NKAIN1: variants seen among roughly 807,000 people sequenced by gnomAD.
NKAIN1 encodes sodium/potassium-transporting ATPase subunit beta-1-interacting protein 1.
A neutral mutation model predicts 31.6 loss-of-function variants in NKAIN1; 13 were observed. That is an observed-to-expected ratio of 0.41 (90% CI 0.27 to 0.65). The LOEUF is 0.65. Among genes scored for constraint, NKAIN1 ranks in the 30% least tolerant of loss-of-function variants. The pLI is 0.30. For missense variants in NKAIN1, 193 were observed against 262.2 expected (o/e 0.74, Z 1.82); for synonymous variants, 104 against 109.0 (o/e 0.95, Z 0.28).
intron 1 of NKAIN1, among the ~76,000 whole-genome samples, chr1:31,192,277 C>T (rs776739271): frequency 6.6e-6 from 1 of 152,176 alleles, no homozygotes; most frequent in Non-Finnish European, 1.5e-5. Flanking sequence ...TTATCTATAA[C>T]CAGCTAGACC....
intron 1 of NKAIN1, among the ~76,000 whole-genome samples, chr1:31,229,384 A>C (rs544046139): frequency 6.6e-6 from 1 of 152,028 alleles, no homozygotes; most frequent in South Asian, 2.1e-4. Flanking sequence ...CTACATGGGC[A>C]TCTGGGGTGG....
chr1:31,206,721 G>A (rs1645428178), intron 1 of NKAIN1, among the ~76,000 whole-genome samples: 1 of 151,688 alleles, frequency 6.6e-6, no homozygotes, highest in Non-Finnish European at 1.5e-5. Flanking sequence ...ATAGGTGTGA[G>A]CCACTGCACC....
At chr1:31,182,681 G>A in intron 4 of NKAIN1, 91 bp from the exon 5 acceptor site, 3 of 1,410,590 alleles carry the variant, frequency 2.1e-6, no homozygotes, top group East Asian at 2.3e-5. Flanking sequence ...TGACTGGCAA[G>A]GGAGGAGGCA....
At chr1:31,208,110 C>T (rs1010919654) in intron 1 of NKAIN1, among the ~76,000 whole-genome samples, 1 of 152,134 alleles carries the variant, frequency 6.6e-6, no homozygotes, top group African/African-American at 2.4e-5. Context: ...CTCATGCCAC[C>T]GATGATGGCT....
chr1:31,182,417 G>T (rs1355361772), intron 5 of NKAIN1, 113 bp downstream of exon 5: 2 of 1,170,684 alleles, frequency 1.7e-6, no homozygotes, highest in Admixed American at 1.9e-5. Flanking sequence ...CCCTCGAAAG[G>T]GGCCCGTGGC....
chr1:31,211,923 CAG>C (rs1334105386), intron 1 of NKAIN1, among the ~76,000 whole-genome samples: 6 of 151,922 alleles, frequency 3.9e-5, no homozygotes, highest in Non-Finnish European at 7.4e-5. Context: ...GCCTGGGAGA[CAG>C]AGTGAGACTC....
chr1:31,239,464 GC>G lies in NKAIN1; in HGVS notation c.54+29del. The G allele has an allele frequency of 6.9e-7, 1 of 1,438,998 alleles. No individual in the cohort carries two copies. The highest frequency in any genetic ancestry group is 9.1e-7 in the Non-Finnish European group (1 of 1,100,568). The allele number at this position is 1,438,998 out of a possible 1,614,324, so 89.1% of individuals were successfully genotyped here. ...ACCGCGCCCCGCCGCGCCCCACCCTGCCCCGACTGCCTGGGCACGCGACGCT... is the reference window on the plus strand; with the variant it reads ...ACCGCGCCCCGCCGCGCCCCACCCTGCCCGACTGCCTGGGCACGCGACGCT... On this transcript the variant is annotated intron_variant, in intron 1 of 6. Coordinates refer to ENST00000373736, the MANE Select transcript of NKAIN1 (RefSeq NM_024522.3). The surrounding 1 kb of genome is among the most constrained non-coding windows in gnomAD (Gnocchi z 4.8).
In NKAIN1 at chr1:31,239,364, A is replaced by T; in HGVS notation, c.54+130T>A. On this transcript the variant is annotated intron_variant, in intron 1 of 6. Coordinates refer to ENST00000373736, the MANE Select transcript of NKAIN1 (RefSeq NM_024522.3). This position sits in a 1 kb window ranked among gnomAD's most constrained non-coding sequence, Gnocchi z 4.8. Reference sequence around the variant, plus strand: ...CTCCGCCCGACCGCTCCGAGACTCCAGACCACCCCCCGCCCGGGCACACGC... The same window carrying T: ...CTCCGCCCGACCGCTCCGAGACTCCTGACCACCCCCCGCCCGGGCACACGC... The T allele has an allele frequency of 1.7e-6, 1 of 594,992 alleles. No individual in the cohort carries two copies. The highest frequency in any genetic ancestry group is 2.5e-6 in the Non-Finnish European group (1 of 399,384). 36.9% of individuals were successfully genotyped at this position (594,992 alleles called of 1,614,324 possible).
chr1:31,181,562 T>A lies in NKAIN1; in HGVS notation c.*141A>T, dbSNP rs1464372684. 1.4e-6 allele frequency: 1 copy of A among 705,156 alleles called. No homozygotes were observed. The highest frequency in any genetic ancestry group is 2.0e-6 in the Non-Finnish European group (1 of 489,192). The allele number at this position is 705,156 out of a possible 1,614,324, so 43.7% of individuals were successfully genotyped here. ...GTCCAAGTCCACGTCCAAGTCCGCA[T>A]CTCCAGATGCAGACGCGGGGTTGGG... On this transcript the variant is annotated 3_prime_UTR_variant, in exon 7 of 7. Coordinates refer to ENST00000373736, the MANE Select transcript of NKAIN1 (RefSeq NM_024522.3).
In NKAIN1 at chr1:31,233,109, C is replaced by T. The variant is rs749365726; in HGVS notation, c.54+6385G>A. On this transcript the variant is annotated intron_variant, in intron 1 of 6. Transcript: ENST00000373736. The surrounding 1 kb of genome is among the most constrained non-coding windows in gnomAD (Gnocchi z 4.0). ...AATTACAGGTGCCCACCACCACGCTCGGCTAATTTTTTGTATTTTTAGTAG... is the reference window on the plus strand; with the variant it reads ...AATTACAGGTGCCCACCACCACGCTTGGCTAATTTTTTGTATTTTTAGTAG... 6.6e-6 allele frequency among the ~76,000 whole-genome samples: 1 copy of T among 152,132 alleles called. No homozygotes were observed. Among genetic ancestry groups the T allele is most frequent in the East Asian group, 1.9e-4 (1 of 5,200 alleles).
intron 1 of NKAIN1, among the ~76,000 whole-genome samples, chr1:31,236,123 C>G (rs1252118272): frequency 2.0e-5 from 3 of 152,142 alleles, no homozygotes; most frequent in African/African-American, 7.2e-5. Context: ...CTATGTGGCT[C>G]AGAGACGGTA....
intron 1 of NKAIN1, among the ~76,000 whole-genome samples, chr1:31,205,946 G>A (rs535046389): frequency 3.8e-4 from 58 of 151,054 alleles, no homozygotes; most frequent in Non-Finnish European, 6.6e-4. Context: ...TAAACTCTCC[G>A]GTTTAGGCCA....
intron 1 of NKAIN1, among the ~76,000 whole-genome samples, chr1:31,222,032 C>A (rs761319522): frequency 6.6e-6 from 1 of 152,168 alleles, no homozygotes; most frequent in South Asian, 2.1e-4. Flanking sequence ...GCGCCCACCA[C>A]CACACCTGGC....
chr1:31,205,079 G>A (rs1269535844), intron 1 of NKAIN1, among the ~76,000 whole-genome samples: 1 of 152,148 alleles, frequency 6.6e-6, no homozygotes, highest in East Asian at 1.9e-4. Context: ...GATTCAATGA[G>A]GTAATGTGAA....
At chr1:31,187,616 T>TGATCTGATGTTCTAA (rs1462259939) in intron 2 of NKAIN1, among the ~76,000 whole-genome samples, 1 of 152,140 alleles carries the variant, frequency 6.6e-6, no homozygotes, top group African/African-American at 2.4e-5. Flanking sequence ...CCTTCACTGT[T>TGATCTGATGTTCTAA]GATCTGATGT....
chr1:31,194,139 C>A (rs979854143), intron 1 of NKAIN1, among the ~76,000 whole-genome samples: 1 of 152,292 alleles, frequency 6.6e-6, no homozygotes, highest in East Asian at 1.9e-4. Context: ...GCCACCACCC[C>A]ACTCAGTTAC....
intron 1 of NKAIN1, among the ~76,000 whole-genome samples, chr1:31,213,697 A>T (rs1418253012): frequency 1.3e-5 from 2 of 152,200 alleles, no homozygotes; most frequent in African/African-American, 4.8e-5. Flanking sequence ...ATGGATGGAT[A>T]AAAAATTGCA....
At chr1:31,203,346 A>ATT (rs879308015) in intron 1 of NKAIN1, among the ~76,000 whole-genome samples, 84,291 of 151,930 alleles carry the variant, frequency 0.55, 27,824 homozygotes, top group Middle Eastern at 0.83. Context: ...ACAGTCAATG[A>ATT]CAGTGCCTCC....
chr1:31,198,801 G>A (rs1195899569), intron 1 of NKAIN1, among the ~76,000 whole-genome samples: 2 of 128,120 alleles, frequency 1.6e-5, no homozygotes, highest in Admixed American at 9.8e-5. Flanking sequence ...CTTCAGCCCC[G>A]AGTCAGGGCT....
Sources: allele counts gnomAD v4.1 joint callset (sites outside exome capture counted in the v4.1 genomes callset), GRCh38; gene constraint gnomAD v4.1.1; non-coding constraint Gnocchi (gnomAD v3.1); transcripts MANE v1.5; gene names NCBI Gene and HGNC (gene_info 2026-07-23, HGNC 2026-07-21).